Variants in SH3PXD2A observed in about 807,000 individuals in gnomAD.
SH3PXD2A encodes the protein SH3 and PX domain-containing protein 2A.
SH3PXD2A carries 32 observed loss-of-function variants against 115.2 expected under a neutral mutation model. That is an observed-to-expected ratio of 0.28 (90% confidence interval 0.21 to 0.37). The LOEUF (loss-of-function observed/expected upper bound fraction) is 0.37, where lower values mean the gene tolerates loss of function less well. Ranked by LOEUF, SH3PXD2A falls within the 10% of genes least tolerant of loss-of-function variation. SH3PXD2A has a pLI of 1.00. For synonymous variants in SH3PXD2A, 610 were observed against 629.1 expected (o/e 0.97, Z 0.45); for missense variants, 1,328 against 1,498.7 (o/e 0.89, Z 1.88).
In SH3PXD2A at chr10:103,654,615, C is replaced by T. The variant is rs186825844; in HGVS notation, c.604+6368G>A. Reference sequence around the variant, plus strand: ...TATTATTTGTAGAGACAGGGCCTCACTATGCTGCCCAGGCTGGACTTGAAC... The same window carrying T: ...TATTATTTGTAGAGACAGGGCCTCATTATGCTGCCCAGGCTGGACTTGAAC... On this transcript the variant is annotated intron_variant, in intron 8 of 14. Transcript: ENST00000369774. 2.1e-4 allele frequency among the ~76,000 whole-genome samples: 32 copies of T among 152,262 alleles called. 1 individual carries two copies. The East Asian group carries it at 5.6e-3, about 27-fold the overall frequency.
chr10:103,617,325 G>C lies in SH3PXD2A; in HGVS notation c.803-11C>G. The C allele has an allele frequency of 6.3e-7, 1 of 1,584,916 alleles. No homozygotes were observed. The highest frequency in any genetic ancestry group is 8.7e-7 in the Non-Finnish European group (1 of 1,153,470). ...TGACATACTTCTCCTCTGGGGGTGG[G>C]AGCAAGCAAGCAAGATTATTTGAGG... On this transcript the variant is annotated splice_polypyrimidine_tract_variant and intron_variant, in intron 10 of 14. Coordinates refer to ENST00000369774, the MANE Select transcript of SH3PXD2A (RefSeq NM_001394015.1).
chr10:103,769,173 T>C lies in SH3PXD2A; in HGVS notation c.154-2004A>G, dbSNP rs1486810136. Reference sequence around the variant, plus strand: ...GTGTGTGTGTGTGTGTGTGTGTGTGTGTGTGTGTGCGCGCGCGCGCGCATT... The same window carrying C: ...GTGTGTGTGTGTGTGTGTGTGTGTGCGTGTGTGTGCGCGCGCGCGCGCATT... On this transcript the variant is annotated intron_variant, in intron 2 of 14. Transcript: ENST00000369774. 1.8e-3 allele frequency among the ~76,000 whole-genome samples: 193 copies of C among 104,526 alleles called. 2 individuals carry two copies. Among genetic ancestry groups the C allele is most frequent in the Middle Eastern group, 5.2e-3 (1 of 192 alleles). 68.6% of individuals were successfully genotyped at this position (104,526 alleles called of 152,430 possible). A position where few individuals can be genotyped will look rare whatever the true frequency, so the allele number is the denominator to read the frequency against.
At chr10:103,837,904 A>AGG (rs1216194900) in intron 1 of SH3PXD2A, among the ~76,000 whole-genome samples, 1 of 152,026 alleles carries the variant, frequency 6.6e-6, no homozygotes, top group Admixed American at 6.5e-5. Flanking sequence ...GAAAGGCCAG[A>AGG]GCCCACTGAG....
chr10:103,803,000 C>T (rs1358353066), intron 1 of SH3PXD2A, among the ~76,000 whole-genome samples: 1 of 152,354 alleles, frequency 6.6e-6, no homozygotes, highest in Middle Eastern at 3.4e-3. Context: ...TGCCATCAGA[C>T]TGGCCCACCT....
intron 5 of SH3PXD2A, among the ~76,000 whole-genome samples, chr10:103,700,909 T>C (rs1456632435): frequency 6.6e-6 from 1 of 152,156 alleles, no homozygotes; most frequent in Non-Finnish European, 1.5e-5. Context: ...GGATATCCTA[T>C]ATTTAAAGAC....
At chr10:103,668,532 C>A in intron 7 of SH3PXD2A, 76 bp downstream of exon 7, 1 of 1,264,956 alleles carries the variant, frequency 7.9e-7, no homozygotes, top group Non-Finnish European at 1.1e-6. Flanking sequence ...ATGCGCAGGG[C>A]CTGCAGGCAC....
intron 2 of SH3PXD2A, among the ~76,000 whole-genome samples, chr10:103,781,696 A>G (rs2038932818): frequency 6.6e-6 from 1 of 152,212 alleles, no homozygotes; most frequent in Non-Finnish European, 1.5e-5. Flanking sequence ...GAACTAAACC[A>G]TCACTCCTCT....
chr10:103,617,362 G>A lies in SH3PXD2A; in HGVS notation c.803-48C>T, dbSNP rs201928128. ...AAGATTATTTGAGGTCGGGGTGCAG[G>A]TCCTGCTTCCTGTCCCCTCCTCCTG... On this transcript the variant is annotated intron_variant, in intron 10 of 14. Transcript: ENST00000369774. The A allele has an allele frequency of 2.1e-4, 290 of 1,355,508 alleles. No individual in the cohort carries two copies. The African/African-American group carries it at 3.8e-3, about 18-fold the overall frequency. The allele number at this position is 1,355,508 out of a possible 1,614,324, so 84.0% of individuals were successfully genotyped here.
intron 13 of SH3PXD2A, among the ~76,000 whole-genome samples, chr10:103,610,953 G>A (rs1393537426): frequency 6.6e-6 from 1 of 152,204 alleles, no homozygotes; most frequent in Non-Finnish European, 1.5e-5. Flanking sequence ...ACAGTTCTTT[G>A]TTCCAAGGCT....
chr10:103,722,547 C>G (rs1343217247), intron 5 of SH3PXD2A, among the ~76,000 whole-genome samples: 1 of 151,466 alleles, frequency 6.6e-6, no homozygotes, highest in Non-Finnish European at 1.5e-5. Context: ...AGAGATCCAC[C>G]TGCCTTGGCT....
chr10:103,650,065 G>A (rs2037095849), intron 8 of SH3PXD2A, among the ~76,000 whole-genome samples: 1 of 152,240 alleles, frequency 6.6e-6, no homozygotes, highest in Admixed American at 6.5e-5. Flanking sequence ...AGGGGAGTTA[G>A]AAAAACAGGC....
chr10:103,728,889 G>GTTTTTTT (rs199842369), intron 4 of SH3PXD2A, among the ~76,000 whole-genome samples: 36 of 142,866 alleles, frequency 2.5e-4, no homozygotes, highest in African/African-American at 9.4e-4. Flanking sequence ...TTTTTTGTTT[G>GTTTTTTT]TTTGTTTGTT....
rs2036253381 is a variant in SH3PXD2A, at chr10:103,603,559, A to G, written c.1659T>C (p.Tyr553=). ...CAGGGATGTCATACTCAGGCTCCTC[A>G]TACTTGAGCTTCCGCGGGGAGTCCT... The part of the protein sequence containing the change: ...ESQDSPRKLK[Y]EEPEYDIPAF... Residue 553 remains tyrosine, a synonymous_variant, in exon 15 of 15, where the codon TAT becomes TAC. Coordinates refer to ENST00000369774, the MANE Select transcript of SH3PXD2A (RefSeq NM_001394015.1). The G allele has an allele frequency of 1.2e-6, 2 of 1,612,550 alleles. No individual in the cohort carries two copies.
intron 5 of SH3PXD2A, among the ~76,000 whole-genome samples, chr10:103,712,854 G>A (rs1023177758): frequency 2.6e-5 from 4 of 152,184 alleles, no homozygotes; most frequent in East Asian, 1.9e-4. Context: ...GCTCACCCCC[G>A]TGTGGGGTGT....
intron 8 of SH3PXD2A, 109 bp downstream of exon 8, chr10:103,660,874 G>A (rs1232788087): frequency 1.6e-6 from 2 of 1,260,348 alleles, no homozygotes; most frequent in Admixed American, 1.7e-5. Context: ...TCTGCCAGAT[G>A]GAAATAACGT....
At chr10:103,847,765 C>A (rs2134326229) in intron 1 of SH3PXD2A, among the ~76,000 whole-genome samples, 1 of 152,252 alleles carries the variant, frequency 6.6e-6, no homozygotes, top group Middle Eastern at 3.4e-3. Context: ...ATGGCAAAAC[C>A]CCACCTCTAC....
chr10:103,713,951 C>A (rs2038075105), intron 5 of SH3PXD2A, among the ~76,000 whole-genome samples: 1 of 152,118 alleles, frequency 6.6e-6, no homozygotes, highest in South Asian at 2.1e-4. Context: ...AAGTCCCGGG[C>A]CTCACATAGA....
chr10:103,639,145 T>C (rs747069599), intron 8 of SH3PXD2A, among the ~76,000 whole-genome samples: 2 of 152,204 alleles, frequency 1.3e-5, no homozygotes, highest in Non-Finnish European at 2.9e-5. Context: ...CCCCATGCAG[T>C]GGACATGGCG....
chr10:103,828,716 C>G (rs905522818), intron 1 of SH3PXD2A, among the ~76,000 whole-genome samples: 9 of 152,168 alleles, frequency 5.9e-5, no homozygotes, highest in African/African-American at 1.7e-4. Flanking sequence ...TCATTTCAGA[C>G]CAGGATGAGG....
Sources: allele counts gnomAD v4.1 joint callset (sites outside exome capture counted in the v4.1 genomes callset), GRCh38; gene constraint gnomAD v4.1.1; transcripts MANE v1.5; gene names NCBI Gene and HGNC (gene_info 2026-07-23, HGNC 2026-07-21).